The following CACNA1A variants were observed in gnomAD, a reference collection of about 807,000 sequenced individuals.
The protein encoded by CACNA1A is calcium voltage-gated channel subunit alpha1 A, also known as voltage-dependent P/Q-type calcium channel subunit alpha-1A.
CACNA1A carries 57 observed loss-of-function variants against 262.4 expected under a neutral mutation model. That is an observed-to-expected ratio of 0.22 (90% CI 0.18 to 0.27). CACNA1A has a LOEUF of 0.27. CACNA1A is among the 10% of genes least tolerant of loss of function. The pLI is 1.00. For synonymous variants in CACNA1A, 1,431 were observed against 1,419.3 expected (o/e 1.01, Z -0.18); for missense variants, 2,526 against 3,562.8 (o/e 0.71, Z 7.41).
intron 38 of CACNA1A, among the ~76,000 whole-genome samples, chr19:13,223,523 C>A (rs2055314605): frequency 6.6e-6 from 1 of 152,170 alleles, no homozygotes; most frequent in Non-Finnish European, 1.5e-5. Context: ...CTGTCTCCAC[C>A]CAGATGATAT....
chr19:13,253,690 C>G (rs558247575), intron 29 of CACNA1A, among the ~76,000 whole-genome samples: 1 of 151,942 alleles, frequency 6.6e-6, no homozygotes, highest in East Asian at 1.9e-4. Context: ...TGTGATCGCC[C>G]TCCTCGGCCT....
At chr19:13,400,201 T>G (rs1190014021) in intron 3 of CACNA1A, among the ~76,000 whole-genome samples, 1 of 152,124 alleles carries the variant, frequency 6.6e-6, no homozygotes, top group African/African-American at 2.4e-5. Flanking sequence ...AACAGGTGTG[T>G]GTGTGTGGGT....
Position 13,241,601 on chromosome 19 carries a change from G to A in CACNA1A, c.4950+3581C>T. On this transcript the variant is annotated intron_variant, in intron 31 of 46. Coordinates refer to ENST00000360228, the MANE Select transcript of CACNA1A (RefSeq NM_001127222.2). The surrounding 1 kb of genome is among the most constrained non-coding windows in gnomAD (Gnocchi z 4.0). The stretch of plus-strand genomic sequence containing the variant: ...GGGGAGGCGTGTTCAGCATTTTTTA[G>A]GTTGATTTGTAACCAGTGCCAAAAA... The A allele has an allele frequency of 1.1e-6, 1 of 933,368 alleles. No individual in the cohort carries two copies. Among genetic ancestry groups the A allele is most frequent in the Non-Finnish European group, 1.7e-6 (1 of 598,160 alleles). The allele number at this position is 933,368 out of a possible 1,614,324, so 57.8% of individuals were successfully genotyped here.
intron 46 of CACNA1A, among the ~76,000 whole-genome samples, chr19:13,208,323 A>G (rs560885378): frequency 6.6e-6 from 1 of 151,970 alleles, no homozygotes; most frequent in East Asian, 1.9e-4. Flanking sequence ...TGAAAAGAGA[A>G]ATGAGAAATG....
intron 1 of CACNA1A, among the ~76,000 whole-genome samples, chr19:13,474,225 C>T (rs895058697): frequency 6.6e-6 from 1 of 152,170 alleles, no homozygotes; most frequent in East Asian, 1.9e-4. Flanking sequence ...TCACTGACCC[C>T]GACTGAATCT....
In CACNA1A at chr19:13,285,151, C is replaced by T. The variant is rs529584159; in HGVS notation, c.3609G>A (p.Glu1203=). 7.1e-5 allele frequency: 115 copies of T among 1,613,946 alleles called. No homozygotes were observed. The South Asian group carries it at 1.2e-3, about 16-fold the overall frequency. Residue 1203 remains glutamate (E), a synonymous_variant, in exon 21 of 47, where the codon GAG becomes GAA. Transcript: ENST00000360228. ...CTTCCCCACGGTCGTCTTCCTCCTC[C>T]TCCTTCTTCTCTTCCTCTTTTTTTG... The part of the protein sequence containing the change: ...PLPKKEEEKK[E]EEEDDRGEDG...
At chr19:13,378,677 T>TA (rs2059458862) in intron 3 of CACNA1A, among the ~76,000 whole-genome samples, 5 of 142,738 alleles carry the variant, frequency 3.5e-5, no homozygotes, top group African/African-American at 1.1e-4. Flanking sequence ...TTTATTTATT[T>TA]TTTGAGACAG....
intron 1 of CACNA1A, among the ~76,000 whole-genome samples, chr19:13,488,074 C>G (rs1980251707): frequency 6.6e-6 from 1 of 152,182 alleles, no homozygotes; most frequent in Admixed American, 6.5e-5. Flanking sequence ...GCCACTGCAT[C>G]TGACCCTACT....
intron 1 of CACNA1A, among the ~76,000 whole-genome samples, chr19:13,462,884 T>G (rs1227809521): frequency 6.6e-6 from 1 of 152,096 alleles, no homozygotes; most frequent in Non-Finnish European, 1.5e-5. Flanking sequence ...TTCAGCCTCC[T>G]GAGTAGCTGG....
In CACNA1A at chr19:13,259,696, T is replaced by C. The variant is rs574194354; in HGVS notation, c.4256A>G (p.Lys1419Arg). Residue 1419 changes from lysine to arginine, a missense_variant, in exon 27 of 47, where the codon AAA becomes AGA. Physicochemically the swap from Lys to Arg is conservative, Grantham distance 26. This residue lies in a region of CACNA1A where 137 missense variants were observed against 377.7 expected (regional missense o/e 0.36). Transcript: ENST00000360228. The stretch of plus-strand genomic sequence containing the variant: ...CTCATTCTTCTCGTAGAGGAGGTAT[T>C]TGCCTCTGCCACAGAGAGTGGGGAC... ...SKEFEKDCRG[K>R]YLLYEKNEVK... 9.3e-6 allele frequency: 15 copies of C among 1,611,350 alleles called. No homozygotes were observed. In the East Asian group the frequency reaches 2.7e-4, roughly 29 times the overall value.
At chr19:13,461,563 T>C (rs1294399312) in intron 1 of CACNA1A, among the ~76,000 whole-genome samples, 1 of 152,154 alleles carries the variant, frequency 6.6e-6, no homozygotes, top group African/African-American at 2.4e-5. Flanking sequence ...CTTGGCATGG[T>C]AAGAGATGCC....
At chr19:13,372,543 TC>T (rs2144563357) in intron 3 of CACNA1A, among the ~76,000 whole-genome samples, 1 of 152,238 alleles carries the variant, frequency 6.6e-6, no homozygotes, top group Non-Finnish European at 1.5e-5. Flanking sequence ...TGGGTTCAGA[TC>T]CCAGATCTGC....
chr19:13,259,019 G>C (rs2056648319), intron 27 of CACNA1A: 1 of 151,342 alleles, frequency 6.6e-6, no homozygotes, highest in Non-Finnish European at 1.5e-5. Flanking sequence ...CTGCAGCCTT[G>C]AACTCTTGGG....
chr19:13,292,167 C>G (rs1226976759), intron 19 of CACNA1A, among the ~76,000 whole-genome samples: 2 of 152,148 alleles, frequency 1.3e-5, no homozygotes, highest in African/African-American at 4.8e-5. Flanking sequence ...TGCAGGGCCA[C>G]TGGGCTCGGC....
intron 1 of CACNA1A, among the ~76,000 whole-genome samples, chr19:13,498,786 T>G (rs756425239): frequency 6.6e-5 from 10 of 152,210 alleles, no homozygotes; most frequent in Non-Finnish European, 1.3e-4. Flanking sequence ...CGGCACCATC[T>G]CTTGCACCAT....
chr19:13,302,814 T>C (rs2057814045), intron 17 of CACNA1A, among the ~76,000 whole-genome samples: 1 of 152,212 alleles, frequency 6.6e-6, no homozygotes, highest in Non-Finnish European at 1.5e-5. Flanking sequence ...CTCTCCCTCC[T>C]GCCAGGGCCG....
intron 1 of CACNA1A, among the ~76,000 whole-genome samples, chr19:13,477,828 C>T (rs1156422239): frequency 6.6e-6 from 1 of 152,190 alleles, no homozygotes; most frequent in African/African-American, 2.4e-5. Flanking sequence ...AGCCGCCTTT[C>T]CATTATGCAA....
intron 19 of CACNA1A, among the ~76,000 whole-genome samples, chr19:13,287,519 TTTTC>T (rs772125563): frequency 3.3e-5 from 5 of 152,042 alleles, no homozygotes; most frequent in African/African-American, 7.2e-5. Flanking sequence ...ATCTTATTTC[TTTTC>T]TTTCTTTCTT....
At chr19:13,337,026 C>G (rs10404912) in intron 6 of CACNA1A, among the ~76,000 whole-genome samples, 3,972 of 152,302 alleles carry the variant, frequency 0.026, 185 homozygotes, top group African/African-American at 0.091. Context: ...TATGACACTG[C>G]TGCTGCCTGG....
Sources: allele counts gnomAD v4.1 joint callset (sites outside exome capture counted in the v4.1 genomes callset), GRCh38; gene constraint gnomAD v4.1.1; regional missense constraint gnomAD v4.1.1; non-coding constraint Gnocchi (gnomAD v3.1); transcripts MANE v1.5; gene names NCBI Gene and HGNC (gene_info 2026-07-23, HGNC 2026-07-21).